The following PLCXD3 variants were observed in gnomAD, a reference collection of about 807,000 sequenced individuals.
PLCXD3 encodes phosphatidylinositol specific phospholipase C X domain containing 3.
PLCXD3 carries 19 observed loss-of-function variants against 25.5 expected under a neutral mutation model. The observed-to-expected ratio is 0.75, with a 90% CI of 0.52 to 1.09. PLCXD3 has a LOEUF of 1.09. Ranked by LOEUF, PLCXD3 falls within the 50% of genes least tolerant of loss-of-function variation. The pLI is 0.00. For missense variants in PLCXD3, 411 were observed against 388.1 expected (o/e 1.06, Z -0.50); for synonymous variants, 174 against 137.6 (o/e 1.26, Z -1.85).
In PLCXD3 at chr5:41,309,973, GAAT is replaced by G. The variant is rs774670307; in HGVS notation, c.*3641_*3643del. The G allele has an allele frequency of 3.3e-5, 5 of 152,072 alleles. No homozygotes were observed. Among genetic ancestry groups the G allele is most frequent in the African/African-American group, 4.8e-5 (2 of 41,428 alleles). The allele number at this position is 152,072 out of a possible 1,614,324, so 9.4% of individuals were successfully genotyped here. On this transcript the variant is annotated 3_prime_UTR_variant, in exon 3 of 3. Coordinates refer to ENST00000377801, the MANE Select transcript of PLCXD3 (RefSeq NM_001005473.3). ...ATTGATTAGAGTGCAGTTTCAACTT[GAAT>G]AATAAGTATATGTGTGTGAAATGTG... is the stretch of plus-strand genomic sequence containing the variant.
chr5:41,398,677 T>C (rs111345767), intron 1 of PLCXD3, among the ~76,000 whole-genome samples: 16 of 152,298 alleles, frequency 1.1e-4, no homozygotes, highest in African/African-American at 3.9e-4. Context: ...CCAACATCTC[T>C]TTATGATAAA....
intron 1 of PLCXD3, among the ~76,000 whole-genome samples, chr5:41,459,014 A>C (rs1478476960): frequency 6.6e-6 from 1 of 151,930 alleles, no homozygotes; most frequent in Non-Finnish European, 1.5e-5. Flanking sequence ...ACATTCCTAT[A>C]GAATATTGCT....
At chr5:41,458,691 C>A (rs188573640) in intron 1 of PLCXD3, among the ~76,000 whole-genome samples, 144 of 151,828 alleles carry the variant, frequency 9.5e-4, no homozygotes, top group African/African-American at 3.4e-3. Flanking sequence ...TTTCTTAGCA[C>A]CTTGAGGTCA....
intron 1 of PLCXD3, among the ~76,000 whole-genome samples, chr5:41,492,135 G>T (rs1395688644): frequency 1.4e-5 from 2 of 144,792 alleles, no homozygotes; most frequent in African/African-American, 5.1e-5. Context: ...TCCTGGTGGT[G>T]ACAAAATCTC....
chr5:41,406,951 C>T (rs552756455), intron 1 of PLCXD3, among the ~76,000 whole-genome samples: 1 of 150,184 alleles, frequency 6.7e-6, no homozygotes, highest in South Asian at 2.1e-4. Context: ...CCTAAAGGAA[C>T]TATTTGCTTT....
rs183710143 is a variant in PLCXD3 at position 41,464,915 on chromosome 5, G to T, written c.103+45509C>A. ...AGCTGTTTCTGATCTTCTATTCAAT[G>T]TATATTATGTTTTTATTTCAATAAC... is the stretch of plus-strand genomic sequence containing the variant. On this transcript the variant is annotated intron_variant, in intron 1 of 2. Transcript: ENST00000377801. Among the ~76,000 whole-genome samples the T allele has an allele frequency of 3.3e-3, 496 of 151,842 alleles. 3 individuals are homozygous for T. The highest frequency in any genetic ancestry group is 0.011 in the African/African-American group (460 of 41,456).
At chr5:41,357,473 T>C (rs1203050016) in intron 2 of PLCXD3, among the ~76,000 whole-genome samples, 2 of 152,252 alleles carry the variant, frequency 1.3e-5, no homozygotes, top group Non-Finnish European at 2.9e-5. Context: ...TTATATTCTA[T>C]GATATCTGAC....
At position 41,311,179 on chromosome 5, in the gene PLCXD3, TAG is replaced by T. The variant is rs957905442; in HGVS notation, c.*2436_*2437del. ...CCTGAAGGATGAATGAATAGCCAGT[TAG>T]AGAGAAAGTCTGCCCAAAAACCAAA... On this transcript the variant is annotated 3_prime_UTR_variant, in exon 3 of 3. Transcript: ENST00000377801. 6.6e-6 allele frequency: 1 copy of T among 152,116 alleles called. No homozygotes were observed. The highest frequency in any genetic ancestry group is 1.5e-5 in the Non-Finnish European group (1 of 67,992). The allele number at this position is 152,116 out of a possible 1,614,324, so 9.4% of individuals were successfully genotyped here. A position where few individuals can be genotyped will look rare whatever the true frequency, so the allele number is the denominator to read the frequency against.
intron 1 of PLCXD3, among the ~76,000 whole-genome samples, chr5:41,409,040 A>G (rs896692436): frequency 2.6e-5 from 4 of 152,248 alleles, no homozygotes; most frequent in Admixed American, 2.0e-4. Context: ...GGAGAGAACC[A>G]GAAGTGAACC....
At chr5:41,386,442 C>T (rs958490674) in intron 1 of PLCXD3, among the ~76,000 whole-genome samples, 26 of 152,010 alleles carry the variant, frequency 1.7e-4, no homozygotes, top group Admixed American at 5.9e-4. Flanking sequence ...CTCATTCTGT[C>T]ATTTGGTATG....
intron 1 of PLCXD3, among the ~76,000 whole-genome samples, chr5:41,453,159 C>T (rs560680750): frequency 6.6e-6 from 1 of 151,920 alleles, no homozygotes; most frequent in East Asian, 1.9e-4. Context: ...ATCCCCAATC[C>T]CACCCAATCT....
chr5:41,438,825 AAACT>A (rs1312525775), intron 1 of PLCXD3, among the ~76,000 whole-genome samples: 2 of 152,146 alleles, frequency 1.3e-5, no homozygotes, highest in African/African-American at 4.8e-5. Flanking sequence ...AAAACTTTAC[AAACT>A]ATCTATATTG....
intron 2 of PLCXD3, among the ~76,000 whole-genome samples, chr5:41,346,088 C>A (rs765321983): frequency 1.3e-5 from 2 of 152,106 alleles, no homozygotes; most frequent in Admixed American, 1.3e-4. Context: ...ACCATGTTGG[C>A]GTGGCTGGTC....
chr5:41,361,729 GA>G (rs1336065250), intron 2 of PLCXD3, among the ~76,000 whole-genome samples: 3 of 152,168 alleles, frequency 2.0e-5, no homozygotes, highest in African/African-American at 7.2e-5. Flanking sequence ...CCACATCTCA[GA>G]GCTGTCAGTT....
intron 2 of PLCXD3, among the ~76,000 whole-genome samples, chr5:41,373,044 A>G (rs1745173518): frequency 6.6e-6 from 1 of 152,054 alleles, no homozygotes; most frequent in African/African-American, 2.4e-5. Flanking sequence ...TCAAAACAAA[A>G]CAAAACAAAA....
intron 2 of PLCXD3, among the ~76,000 whole-genome samples, chr5:41,314,403 G>C (rs1743228780): frequency 6.6e-6 from 1 of 152,202 alleles, no homozygotes; most frequent in African/African-American, 2.4e-5. Context: ...TCCCTGTGGA[G>C]CTTACATTCT....
intron 2 of PLCXD3, among the ~76,000 whole-genome samples, chr5:41,371,224 C>G (rs1040757741): frequency 6.6e-6 from 1 of 152,118 alleles, no homozygotes; most frequent in African/African-American, 2.4e-5. Context: ...ATACTAGAGG[C>G]TTTTAAGCCA....
At position 41,313,454 on chromosome 5, in the gene PLCXD3, A is replaced by T; in HGVS notation, c.*163T>A. 2.9e-6 allele frequency: 2 copies of T among 679,198 alleles called. No individual in the cohort carries two copies. Among genetic ancestry groups the T allele is most frequent in the Non-Finnish European group, 4.8e-6 (2 of 415,066 alleles). 42.1% of individuals were successfully genotyped at this position (679,198 alleles called of 1,614,324 possible). On this transcript the variant is annotated 3_prime_UTR_variant, in exon 3 of 3. Transcript: ENST00000377801. ...AATATTTATAGTAATGAAGAGTATG[A>T]TTGTAATCACTGAAGAAACAGTTTT...
At chr5:41,453,553 A>C (rs2150514934) in intron 1 of PLCXD3, among the ~76,000 whole-genome samples, 1 of 152,074 alleles carries the variant, frequency 6.6e-6, no homozygotes, top group East Asian at 1.9e-4. Flanking sequence ...CAAGTTATTC[A>C]CCTTTCTTAA....
Sources: gnomAD v4.1 joint callset for allele counts (sites outside exome capture counted in the v4.1 genomes callset) on GRCh38, gnomAD v4.1.1 for gene constraint, MANE v1.5 for transcripts, NCBI Gene and HGNC (gene_info 2026-07-23, HGNC 2026-07-21) for gene names.